Variants in CLASP1 observed in about 807,000 individuals in gnomAD.
The protein encoded by CLASP1 is CLIP-associating protein 1.
A neutral mutation model predicts 192.3 loss-of-function variants in CLASP1; 38 were observed. The observed-to-expected ratio is 0.20, with a 90% confidence interval of 0.15 to 0.26. CLASP1 has a LOEUF of 0.26. CLASP1 is among the 10% of genes least tolerant of loss of function. The pLI is 1.00. For missense variants in CLASP1, 1,433 were observed against 1,932.5 expected (o/e 0.74, Z 4.85); for synonymous variants, 691 against 712.8 (o/e 0.97, Z 0.49).
intron 30 of CLASP1, among the ~76,000 whole-genome samples, chr2:121,390,961 G>A (rs1238120770): frequency 6.6e-6 from 1 of 152,058 alleles, no homozygotes; most frequent in African/African-American, 2.4e-5. Context: ...TGGGACTACA[G>A]GCGTGTGCCA....
chr2:121,382,310 CA>C lies in CLASP1; in HGVS notation c.3388del (p.Trp1130GlyfsTer6), dbSNP rs1333402062. The C allele has an allele frequency of 6.3e-7, 1 of 1,577,166 alleles. No homozygotes were observed. Among genetic ancestry groups the C allele is most frequent in the Non-Finnish European group, 8.6e-7 (1 of 1,161,960 alleles). On this transcript the variant is annotated frameshift_variant, in exon 33 of 40. Coordinates refer to ENST00000263710, the Ensembl canonical transcript of CLASP1. LOFTEE classifies it high-confidence loss of function. Reference sequence around the variant, plus strand: ...GTGCTTCGCTAACCCGTCGGCACTCCAACCCCATAACCGACTGCAGTGATCA... The same window carrying C: ...GTGCTTCGCTAACCCGTCGGCACTCCACCCCATAACCGACTGCAGTGATCA...
intron 1 of CLASP1, among the ~76,000 whole-genome samples, chr2:121,647,849 G>A (rs1476967026): frequency 6.6e-6 from 1 of 152,166 alleles, no homozygotes; most frequent in Non-Finnish European, 1.5e-5. Flanking sequence ...CCTTACCTGG[G>A]AGAATTAAAA....
intron 2 of CLASP1, among the ~76,000 whole-genome samples, chr2:121,534,125 C>G (rs2094973375): frequency 6.6e-6 from 1 of 152,224 alleles, no homozygotes; most frequent in Admixed American, 6.5e-5. Context: ...TATAAGCCTG[C>G]AACAACTGGT....
exon 12 of CLASP1, chr2:121,460,069 A>C: frequency 1.2e-6 from 2 of 1,613,704 alleles, no homozygotes. Context: ...GCAAATGTTG[A>C]AAGAAGTTAT....
intron 37 of CLASP1, among the ~76,000 whole-genome samples, chr2:121,351,890 G>T (rs547559229): frequency 6.6e-6 from 1 of 152,218 alleles, no homozygotes; most frequent in Non-Finnish European, 1.5e-5. Flanking sequence ...CAAGCACCTC[G>T]TAAGATTCTT....
chr2:121,580,531 GTATT>G (rs1399952764), intron 2 of CLASP1, among the ~76,000 whole-genome samples: 2 of 152,092 alleles, frequency 1.3e-5, no homozygotes, highest in Non-Finnish European at 2.9e-5. Flanking sequence ...AGCCTTTGCT[GTATT>G]TAAATTTTGC....
At chr2:121,547,587 A>C (rs969628630) in intron 2 of CLASP1, among the ~76,000 whole-genome samples, 3 of 152,086 alleles carry the variant, frequency 2.0e-5, no homozygotes, top group African/African-American at 7.2e-5. Context: ...TGGAAAAAAA[A>C]CATAAACACT....
At chr2:121,609,161 G>A (rs72972763) in intron 1 of CLASP1, among the ~76,000 whole-genome samples, 46 of 152,280 alleles carry the variant, frequency 3.0e-4, no homozygotes, top group African/African-American at 1.1e-3. Context: ...GAAGCAACAG[G>A]CAAGAGAGCA....
chr2:121,379,002 C>T (rs1574050413), intron 33 of CLASP1, among the ~76,000 whole-genome samples: 1 of 149,108 alleles, frequency 6.7e-6, no homozygotes, highest in African/African-American at 2.5e-5. Flanking sequence ...GGCAGATGAG[C>T]AAGGTAAGAT....
intron 2 of CLASP1, among the ~76,000 whole-genome samples, chr2:121,589,358 G>A (rs182515129): frequency 5.3e-5 from 8 of 152,250 alleles, no homozygotes; most frequent in Non-Finnish European, 7.4e-5. Flanking sequence ...GGCCGGGTGC[G>A]GTGGCTCACG....
chr2:121,396,113 T>C (rs181258852), intron 30 of CLASP1, among the ~76,000 whole-genome samples: 19 of 152,172 alleles, frequency 1.2e-4, no homozygotes, highest in African/African-American at 3.6e-4. Context: ...GAAATCTATG[T>C]TGATTTTAAT....
intron 19 of CLASP1, among the ~76,000 whole-genome samples, chr2:121,431,122 C>G (rs1025111259): frequency 1.3e-5 from 2 of 151,720 alleles, no homozygotes; most frequent in Admixed American, 6.6e-5. Flanking sequence ...CCCCCACAAG[C>G]GACAAAGCTT....
At chr2:121,589,043 A>G (rs1467909702) in intron 2 of CLASP1, among the ~76,000 whole-genome samples, 1 of 152,134 alleles carries the variant, frequency 6.6e-6, no homozygotes, top group African/African-American at 2.4e-5. Context: ...TTGGGGTCAT[A>G]AACAGCATGA....
Position 121,605,838 on chromosome 2 carries a change from G to A in CLASP1, c.58C>T (p.Arg20Ter), listed in dbSNP as rs1249284846. The A allele has an allele frequency of 1.2e-6, 2 of 1,613,820 alleles. No individual in the cohort carries two copies. The highest frequency in any genetic ancestry group is 2.2e-5 in the East Asian group (1 of 44,886). ...ATCAGTTCTTGGCCAACCTGCAATC[G>A]TTTCCCCACATCCTTCTGCAACACC... The change falls in exon 2 of 40, where the codon CGA (arginine) becomes TGA (stop). Residue 20 changes from arginine (R) to a stop codon, truncating the protein, a stop_gained. Transcript: ENST00000263710. LOFTEE classifies it high-confidence loss of function.
intron 1 of CLASP1, among the ~76,000 whole-genome samples, chr2:121,639,689 C>A (rs536368354): frequency 1.3e-5 from 2 of 152,026 alleles, no homozygotes; most frequent in Non-Finnish European, 2.9e-5. Context: ...CATGGAGAAA[C>A]CCTGTCTCTA....
intron 2 of CLASP1, among the ~76,000 whole-genome samples, chr2:121,598,617 A>G (rs2063414537): frequency 6.6e-6 from 1 of 152,220 alleles, no homozygotes; most frequent in South Asian, 2.1e-4. Context: ...CATAATCACT[A>G]GTTAAAATTG....
chr2:121,624,430 G>A (rs1349432030), intron 1 of CLASP1, among the ~76,000 whole-genome samples: 1 of 152,032 alleles, frequency 6.6e-6, no homozygotes, highest in Non-Finnish European at 1.5e-5. Flanking sequence ...TGTTTTTTGA[G>A]ATGGATTCTC....
chr2:121,496,965 G>C (rs887406281), intron 8 of CLASP1, among the ~76,000 whole-genome samples: 6 of 152,106 alleles, frequency 3.9e-5, no homozygotes, highest in African/African-American at 1.4e-4. Flanking sequence ...TATAAAATAA[G>C]CCAAGCACAG....
chr2:121,525,901 T>C, exon 6 of CLASP1: 1 of 1,613,324 alleles, frequency 6.2e-7, no homozygotes, highest in Non-Finnish European at 8.5e-7. Flanking sequence ...TTGCTTAGTG[T>C]TAAAGTCTGT....
Sources: allele counts gnomAD v4.1 joint callset (sites outside exome capture counted in the v4.1 genomes callset), GRCh38; gene constraint gnomAD v4.1.1; transcripts MANE v1.5; gene names NCBI Gene and HGNC (gene_info 2026-07-23, HGNC 2026-07-21).